The following SHCBP1L variants were observed in gnomAD, a reference collection of about 807,000 sequenced individuals.
The protein encoded by SHCBP1L is testicular spindle-associated protein SHCBP1L.
A neutral mutation model predicts 62.5 loss-of-function variants in SHCBP1L; 67 were observed. That is an observed-to-expected ratio of 1.07 (90% CI 0.88 to 1.31). The LOEUF (loss-of-function observed/expected upper bound fraction) is 1.31. Among genes scored for constraint, SHCBP1L ranks in the 40% most tolerant of loss-of-function variants. The pLI, the probability that SHCBP1L is intolerant of heterozygous loss-of-function variation, is 0.00. For synonymous variants in SHCBP1L, 284 were observed against 289.4 expected, an observed-to-expected ratio of 0.98 and a Z score of 0.19; for missense variants, 823 against 809.8, an observed-to-expected ratio of 1.02 and a Z score of -0.20.
rs1571364199 is a variant in SHCBP1L at position 182,952,201 on chromosome 1, T to A, written c.405+528A>T. Among the ~76,000 whole-genome samples the A allele has an allele frequency of 1.9e-3, 46 of 23,612 alleles. 2 individuals are homozygous for A. The highest frequency in any genetic ancestry group is 2.9e-3 in the Non-Finnish European group (41 of 14,190). The allele number at this position is 23,612 out of a possible 152,430, so 15.5% of individuals were successfully genotyped here. A position where few individuals can be genotyped will look rare whatever the true frequency, so the allele number is the denominator to read the frequency against. On this transcript the variant is annotated intron_variant, in intron 1 of 9. Transcript: ENST00000367547. ...AAAAAAAAAAAAAAAAATATATATA[T>A]ATATATATATATATATATATATATA...
Position 182,930,542 on chromosome 1 carries a change from AGT to A in SHCBP1L, c.1077-792_1077-791del, listed in dbSNP as rs199725936. Among the ~76,000 whole-genome samples, 55 of 68,032 alleles carry A rather than the reference AGT, an allele frequency of 8.1e-4. 2 individuals carry two copies. The South Asian group carries it at 9.8e-3, about 12-fold the overall frequency. 44.6% of individuals were successfully genotyped at this position (68,032 alleles called of 152,430 possible). ...CTTTATGCTAAGAGGATGTGGCTTT[AGT>A]GTGTGTGTATATATATATATATATA... On this transcript the variant is annotated intron_variant, in intron 5 of 9. Coordinates refer to ENST00000367547, the MANE Select transcript of SHCBP1L (RefSeq NM_030933.4).
At chr1:182,920,218 AG>A (rs1223523037) in intron 6 of SHCBP1L, among the ~76,000 whole-genome samples, 1 of 152,200 alleles carries the variant, frequency 6.6e-6, no homozygotes, top group Non-Finnish European at 1.5e-5. Context: ...CCTCCAGTGC[AG>A]GAGGTGATTA....
intron 7 of SHCBP1L, 136 bp from the exon 8 acceptor site, chr1:182,904,566 T>C (rs954455370): frequency 5.5e-6 from 5 of 906,776 alleles, no homozygotes; most frequent in South Asian, 1.7e-5. Flanking sequence ...TGTGTGTGTG[T>C]GTGTGTGTGT....
At chr1:182,939,147 C>T in intron 5 of SHCBP1L, 29 bp downstream of exon 5, 1 of 1,541,844 alleles carries the variant, frequency 6.5e-7, no homozygotes, top group Non-Finnish European at 8.9e-7. Context: ...TAAACTTTTG[C>T]TTCTATTTGA....
At chr1:182,934,661 C>G (rs1651110585) in intron 5 of SHCBP1L, among the ~76,000 whole-genome samples, 1 of 152,044 alleles carries the variant, frequency 6.6e-6, no homozygotes, top group African/African-American at 2.4e-5. Context: ...GTGTATTTTT[C>G]AGAGCAGTTT....
intron 5 of SHCBP1L, among the ~76,000 whole-genome samples, chr1:182,930,241 A>G (rs1410210149): frequency 6.6e-6 from 1 of 152,100 alleles, no homozygotes; most frequent in Non-Finnish European, 1.5e-5. Context: ...TCCCAGCAGA[A>G]CTGTTCCAGC....
chr1:182,924,384 G>T (rs1571345620), intron 6 of SHCBP1L, among the ~76,000 whole-genome samples: 2 of 148,026 alleles, frequency 1.4e-5, no homozygotes, highest in South Asian at 4.2e-4. Flanking sequence ...TGCAAGCTCT[G>T]CCTCCTGGGT....
intron 2 of SHCBP1L, chr1:182,944,232 CCT>C (rs1651476758): frequency 6.6e-6 from 1 of 152,156 alleles, no homozygotes; most frequent in Non-Finnish European, 1.5e-5. Context: ...GTGCTGAAAC[CCT>C]GTCTCTACTA....
chr1:182,919,424 G>T (rs1303323025), intron 6 of SHCBP1L, among the ~76,000 whole-genome samples: 1 of 152,154 alleles, frequency 6.6e-6, no homozygotes, highest in Admixed American at 6.5e-5. Context: ...TTTTATAGGG[G>T]CATTGATCCA....
chr1:182,907,370 T>A (rs1292855744), intron 6 of SHCBP1L, among the ~76,000 whole-genome samples: 4 of 149,908 alleles, frequency 2.7e-5, no homozygotes, highest in African/African-American at 4.9e-5. Context: ...GAGGCAGAGT[T>A]TGCAGTAAGC....
At chr1:182,951,649 C>CA (rs1464003389) in intron 1 of SHCBP1L, among the ~76,000 whole-genome samples, 182 bp from the exon 2 acceptor site, 5 of 151,234 alleles carry the variant, frequency 3.3e-5, no homozygotes, top group South Asian at 2.1e-4. Context: ...ACATCACCAA[C>CA]AAAAAATTAA....
chr1:182,951,223 A>G (rs1314321416), intron 2 of SHCBP1L, 95 bp downstream of exon 2: 1 of 990,418 alleles, frequency 1.0e-6, no homozygotes, highest in Admixed American at 3.1e-5. Context: ...AAAATGTGTC[A>G]ACTCTTGTGT....
rs368375651 is a variant in SHCBP1L at position 182,900,047 on chromosome 1, A to G, written c.1898T>C (p.Leu633Pro). 6.9e-5 allele frequency: 111 copies of G among 1,613,204 alleles called. No homozygotes were observed. Among genetic ancestry groups the G allele is most frequent in the Non-Finnish European group, 9.3e-5 (110 of 1,179,594 alleles). The change falls in exon 10 of 10, where the codon CTG becomes CCG. Residue 633 changes from leucine (L) to proline (P), a missense_variant. Leu to Pro is a moderately conservative substitution (Grantham distance 98). Coordinates refer to ENST00000367547, the MANE Select transcript of SHCBP1L (RefSeq NM_030933.4). The part of the protein sequence containing the change: ...MLFKVMQNLN[L>P]EMNNNKIEAN... Reference sequence around the variant, plus strand: ...TTCTATCTTATTATTATTCATTTCCAGATTCAGATTTTGCATTACTTTGAA... The same window carrying G: ...TTCTATCTTATTATTATTCATTTCCGGATTCAGATTTTGCATTACTTTGAA...
At chr1:182,933,133 T>A (rs1214367786) in intron 5 of SHCBP1L, among the ~76,000 whole-genome samples, 2 of 151,610 alleles carry the variant, frequency 1.3e-5, no homozygotes, top group Admixed American at 1.3e-4. Flanking sequence ...CTCGAACTCC[T>A]GACCTTGTGA....
intron 6 of SHCBP1L, among the ~76,000 whole-genome samples, chr1:182,906,482 T>A (rs777065554): frequency 6.0e-5 from 9 of 150,966 alleles, no homozygotes; most frequent in East Asian, 2.0e-4. Context: ...CCCAGGTTGG[T>A]GTGCAATGGC....
At chr1:182,901,706 C>T (rs1424549395) in intron 9 of SHCBP1L, among the ~76,000 whole-genome samples, 2 of 152,136 alleles carry the variant, frequency 1.3e-5, no homozygotes, top group Non-Finnish European at 2.9e-5. Flanking sequence ...ATAGGTCTGG[C>T]GTGAGGCTCA....
chr1:182,915,954 C>T lies in SHCBP1L; in HGVS notation c.1183-10305G>A, dbSNP rs538903057. On this transcript the variant is annotated intron_variant, in intron 6 of 9. Coordinates refer to ENST00000367547, the MANE Select transcript of SHCBP1L (RefSeq NM_030933.4). ...CTCGAGTAGCTGGGACCACAGGCGC[C>T]CGCCATCACGCCCGGCTAATTTTTT... Among the ~76,000 whole-genome samples the T allele has an allele frequency of 1.3e-3, 196 of 152,112 alleles. 1 individual carries two copies. The highest frequency in any genetic ancestry group is 4.6e-3 in the African/African-American group (191 of 41,500).
chr1:182,930,551 G>GTA (rs10536791), intron 5 of SHCBP1L, among the ~76,000 whole-genome samples: 1,390 of 49,318 alleles, frequency 0.028, 20 homozygotes, highest in Non-Finnish European at 0.039. Flanking sequence ...TAGTGTGTGT[G>GTA]TATATATATA....
intron 9 of SHCBP1L, among the ~76,000 whole-genome samples, chr1:182,900,643 G>A (rs1236717273): frequency 6.6e-6 from 1 of 152,170 alleles, no homozygotes; most frequent in Admixed American, 6.5e-5. Context: ...ATTTTGGCCA[G>A]GCTGGTCTCG....
Sources: allele counts gnomAD v4.1 joint callset (sites outside exome capture counted in the v4.1 genomes callset), GRCh38; gene constraint gnomAD v4.1.1; transcripts MANE v1.5; gene names NCBI Gene and HGNC (gene_info 2026-07-23, HGNC 2026-07-21).